The following DRC8 variants were observed in gnomAD, a reference collection of about 807,000 sequenced individuals.
The protein encoded by DRC8 is dynein regulatory complex protein 8.
the DRC8 span, among the ~76,000 whole-genome samples, chr1:245,115,551 T>C: frequency 3.9e-5 from 6 of 152,348 alleles, no homozygotes; most frequent in African/African-American, 1.4e-4. Context: ...GTAGGACTCA[T>C]TCATTCTTTC....
the DRC8 span, among the ~76,000 whole-genome samples, chr1:245,057,937 C>T: frequency 6.6e-6 from 1 of 152,074 alleles, no homozygotes; most frequent in Admixed American, 6.6e-5. Flanking sequence ...TCTCTTTGTC[C>T]TCCTTCTCCT....
chr1:245,089,206 G>A, the DRC8 span, among the ~76,000 whole-genome samples: 16 of 152,180 alleles, frequency 1.1e-4, no homozygotes, highest in East Asian at 1.6e-3. The surrounding 1 kb of genome is among the most constrained non-coding windows in gnomAD (Gnocchi z 4.8). Context: ...GGAGCAAGTG[G>A]GGCATTTGGT....
the DRC8 span, among the ~76,000 whole-genome samples, chr1:245,107,897 C>T: frequency 2.0e-5 from 3 of 152,286 alleles, no homozygotes; most frequent in African/African-American, 7.2e-5. Flanking sequence ...ATCCTCACCT[C>T]GTCACCGCTC....
the DRC8 span, among the ~76,000 whole-genome samples, chr1:245,047,483 A>C: frequency 6.6e-6 from 1 of 151,878 alleles, no homozygotes; most frequent in Admixed American, 6.6e-5. Context: ...AAAAATACAA[A>C]ACTTAGCCAG....
At chr1:245,079,479 T>C in the DRC8 span, among the ~76,000 whole-genome samples, 2,896 of 152,308 alleles carry the variant, frequency 0.019, 79 homozygotes, top group African/African-American at 0.063. Flanking sequence ...GGCACCATAA[T>C]GTTCACATCC....
At chr1:245,097,078 G>A in the DRC8 span, among the ~76,000 whole-genome samples, 984 of 152,266 alleles carry the variant, frequency 6.5e-3, 4 homozygotes, top group Middle Eastern at 0.014. This position sits in a 1 kb window ranked among gnomAD's most constrained non-coding sequence, Gnocchi z 5.0. Flanking sequence ...ACGAGGTTGG[G>A]TACAGGTATT....
the DRC8 span, among the ~76,000 whole-genome samples, chr1:245,120,727 CA>C: frequency 3.9e-5 from 6 of 152,362 alleles, no homozygotes; most frequent in East Asian, 9.6e-4. Flanking sequence ...ATTTTAGATA[CA>C]GAGACACCTG....
At chr1:244,989,893 TC>T in the DRC8 span, among the ~76,000 whole-genome samples, 2 of 151,924 alleles carry the variant, frequency 1.3e-5, no homozygotes, top group East Asian at 1.9e-4. Flanking sequence ...AATGGAAAAT[TC>T]CAGAAATAAA....
At chr1:244,969,907 CG>C in the DRC8 span, 1 of 449,208 alleles carries the variant, frequency 2.2e-6, no homozygotes, top group East Asian at 3.7e-5. Context: ...AGGAGGAGGC[CG>C]GGCCGCGGGC....
chr1:245,011,173 A>G, the DRC8 span, among the ~76,000 whole-genome samples: 1 of 152,224 alleles, frequency 6.6e-6, no homozygotes, highest in African/African-American at 2.4e-5. Context: ...AGTATTTTAA[A>G]TAATTTGTAG....
At chr1:245,091,020 T>C in the DRC8 span, 4 of 152,208 alleles carry the variant, frequency 2.6e-5, no homozygotes, top group African/African-American at 7.2e-5. Flanking sequence ...ATCATTTTTT[T>C]CCCCAGGATA....
chr1:245,067,724 C>CTTG, the DRC8 span, among the ~76,000 whole-genome samples: 1 of 152,164 alleles, frequency 6.6e-6, no homozygotes, highest in East Asian at 1.9e-4. Flanking sequence ...CAGCCTGTGC[C>CTTG]TGGACTCTAT....
At chr1:244,975,465 A>C in the DRC8 span, among the ~76,000 whole-genome samples, 1 of 152,330 alleles carries the variant, frequency 6.6e-6, no homozygotes, top group East Asian at 1.9e-4. Context: ...AGTTCCTCAG[A>C]TGTAAAGTGG....
At chr1:244,990,648 G>A in the DRC8 span, among the ~76,000 whole-genome samples, 1 of 152,058 alleles carries the variant, frequency 6.6e-6, no homozygotes, top group African/African-American at 2.4e-5. Flanking sequence ...AAGGTGTGGT[G>A]TTTTTGGGGG....
At chr1:245,005,836 A>T in the DRC8 span, among the ~76,000 whole-genome samples, 1 of 152,226 alleles carries the variant, frequency 6.6e-6, no homozygotes, top group Admixed American at 6.5e-5. Context: ...AGCCTTCAAA[A>T]GGTCAGTTAC....
At chr1:245,113,893 C>T in the DRC8 span, among the ~76,000 whole-genome samples, 1 of 152,072 alleles carries the variant, frequency 6.6e-6, no homozygotes, top group Non-Finnish European at 1.5e-5. Flanking sequence ...ACGTGGGGCT[C>T]CCAACTCAGA....
At chr1:245,047,130 T>G in the DRC8 span, among the ~76,000 whole-genome samples, 6 of 152,182 alleles carry the variant, frequency 3.9e-5, no homozygotes, top group African/African-American at 1.4e-4. Context: ...CACACACACT[T>G]GACTCCAGCA....
chr1:244,992,742 A>C, the DRC8 span, among the ~76,000 whole-genome samples: 3 of 152,214 alleles, frequency 2.0e-5, no homozygotes, highest in Admixed American at 1.3e-4. Context: ...TGTGTCTCAA[A>C]AAAAGCCCCC....
the DRC8 span, among the ~76,000 whole-genome samples, chr1:245,047,974 CAAAAAAAA>C: frequency 1.9e-5 from 2 of 102,830 alleles, no homozygotes; most frequent in Admixed American, 2.0e-4. Flanking sequence ...GACTCTGTCT[CAAAAAAAA>C]AAAAAAAAAA....
Sources: allele counts gnomAD v4.1 joint callset (sites outside exome capture counted in the v4.1 genomes callset), GRCh38; gene constraint gnomAD v4.1.1; non-coding constraint Gnocchi (gnomAD v3.1); transcripts MANE v1.5; gene names NCBI Gene and HGNC (gene_info 2026-07-23, HGNC 2026-07-21).